VPS54: variants seen among roughly 807,000 people sequenced by gnomAD.
VPS54 encodes the protein VPS54 subunit of GARP complex.
A neutral mutation model predicts 121.5 loss-of-function variants in VPS54; 45 were observed. That is an observed-to-expected ratio of 0.37 (90% CI 0.29 to 0.47). The LOEUF is 0.47. VPS54 is among the 20% of genes least tolerant of loss of function. VPS54 has a pLI of 0.99. For synonymous variants in VPS54, 371 were observed against 385.8 expected (o/e 0.96, Z 0.45); for missense variants, 1,090 against 1,131.4 (o/e 0.96, Z 0.52).
At chr2:63,985,695 ACACAC>A (rs1677019527) in intron 1 of VPS54, among the ~76,000 whole-genome samples, 1 of 150,512 alleles carries the variant, frequency 6.6e-6, no homozygotes. Context: ...ACACACACAC[ACACAC>A]ACACACACAC....
intron 16 of VPS54, among the ~76,000 whole-genome samples, chr2:63,916,232 A>C (rs957444999): frequency 1.3e-5 from 2 of 152,170 alleles, no homozygotes; most frequent in African/African-American, 4.8e-5. Context: ...GAAAACACTT[A>C]AGCTGTGAAG....
intron 5 of VPS54, 104 bp downstream of exon 5, chr2:63,968,853 G>T: frequency 2.2e-6 from 2 of 928,984 alleles, no homozygotes; most frequent in Non-Finnish European, 3.3e-6. Flanking sequence ...AGACAAAGTA[G>T]CCAAAGGGTC....
intron 1 of VPS54, among the ~76,000 whole-genome samples, chr2:63,989,222 T>G (rs1559042875): frequency 6.6e-6 from 1 of 152,158 alleles, no homozygotes; most frequent in Non-Finnish European, 1.5e-5. Context: ...GGGAACCTCA[T>G]TAGTAATTCT....
intron 1 of VPS54, among the ~76,000 whole-genome samples, chr2:63,987,932 G>A (rs572799426): frequency 3.3e-5 from 5 of 151,972 alleles, no homozygotes; most frequent in African/African-American, 4.8e-5. Context: ...GAATTCTTTA[G>A]GTTTATCCAA....
intron 1 of VPS54, among the ~76,000 whole-genome samples, chr2:64,000,964 C>T (rs1423062943): frequency 1.3e-5 from 2 of 152,230 alleles, no homozygotes; most frequent in Non-Finnish European, 2.9e-5. Flanking sequence ...CTCTTCAAGA[C>T]AGCAAGTGCC....
At chr2:63,990,164 C>T (rs974470662) in intron 1 of VPS54, among the ~76,000 whole-genome samples, 11 of 152,246 alleles carry the variant, frequency 7.2e-5, no homozygotes, top group Admixed American at 2.0e-4. Context: ...TTTCCTCTCC[C>T]GCATGGACTT....
chr2:63,905,221 TAAAAA>T (rs1457360303), intron 20 of VPS54, among the ~76,000 whole-genome samples: 1 of 151,518 alleles, frequency 6.6e-6, no homozygotes, highest in African/African-American at 2.4e-5. Context: ...AGCAGGAAAA[TAAAAA>T]GCAGAAAAAG....
intron 1 of VPS54, among the ~76,000 whole-genome samples, chr2:64,000,332 A>C (rs1232276515): frequency 6.6e-6 from 1 of 152,186 alleles, no homozygotes; most frequent in Non-Finnish European, 1.5e-5. Flanking sequence ...TTCTCAACAC[A>C]GCTGTTTTGA....
chr2:63,982,193 A>AT (rs1474130519), intron 2 of VPS54, among the ~76,000 whole-genome samples: 9 of 147,824 alleles, frequency 6.1e-5, no homozygotes, highest in Admixed American at 1.4e-4. Flanking sequence ...CAATTACTCT[A>AT]TCTTTTTTTT....
chr2:63,940,641 T>G (rs1674679174), intron 11 of VPS54, among the ~76,000 whole-genome samples: 1 of 152,052 alleles, frequency 6.6e-6, no homozygotes, highest in African/African-American at 2.4e-5. Flanking sequence ...TAATGATGAG[T>G]GAAAAAAATA....
chr2:63,924,290 T>C (rs895162248), intron 12 of VPS54, among the ~76,000 whole-genome samples: 6 of 152,222 alleles, frequency 3.9e-5, no homozygotes, highest in African/African-American at 1.2e-4. Flanking sequence ...GCTTCCCTTA[T>C]AGCTAGACAT....
chr2:63,969,033 T>C lies in VPS54; in HGVS notation c.458-42A>G, dbSNP rs113443890. On this transcript the variant is annotated intron_variant, in intron 4 of 22. Coordinates refer to ENST00000272322, the MANE Select transcript of VPS54 (RefSeq NM_016516.3). ...GGAAATATTATTTTTAAAACTTGTT[T>C]TCATTTTAACTCCGTAAAATACATT... The C allele has an allele frequency of 2.9e-5, 44 of 1,520,180 alleles. No homozygotes were observed. In the African/African-American group the frequency reaches 5.3e-4, roughly 18 times the overall value. 94.2% of individuals were successfully genotyped at this position (1,520,180 alleles called of 1,614,324 possible).
intron 1 of VPS54, among the ~76,000 whole-genome samples, chr2:63,995,292 T>C (rs1677526734): frequency 6.6e-6 from 1 of 152,250 alleles, no homozygotes; most frequent in South Asian, 2.1e-4. Context: ...AGAATCAAAC[T>C]GTCCAATGCA....
At chr2:63,986,870 CTT>C (rs1238849385) in intron 1 of VPS54, among the ~76,000 whole-genome samples, 5 of 152,180 alleles carry the variant, frequency 3.3e-5, no homozygotes, top group African/African-American at 1.2e-4. Context: ...CATGTTTTCT[CTT>C]GAGTAATATC....
At chr2:63,934,144 T>A in intron 11 of VPS54, 131 bp from the exon 12 acceptor site, 1 of 748,776 alleles carries the variant, frequency 1.3e-6, no homozygotes, top group South Asian at 2.1e-5. Context: ...TATATCAGAA[T>A]TTCTACCGAT....
chr2:63,999,667 G>A lies in VPS54; in HGVS notation c.-20-15648C>T, dbSNP rs183488943. Among the ~76,000 whole-genome samples, 371 of 152,158 alleles carry A rather than the reference G, an allele frequency of 2.4e-3. 1 individual carries two copies. Among genetic ancestry groups the A allele is most frequent in the African/African-American group, 8.1e-3 (335 of 41,500 alleles). ...AGAAGTTCTCTGTTATTATTCCTTC[G>A]AATAAACTTTTTACCCCTATCTCTT... is the stretch of plus-strand genomic sequence containing the variant. On this transcript the variant is annotated intron_variant, in intron 1 of 22. Transcript: ENST00000272322.
chr2:63,921,444 G>T (rs1007395725), intron 12 of VPS54, 109 bp from the exon 13 acceptor site: 2 of 1,230,550 alleles, frequency 1.6e-6, no homozygotes, highest in Non-Finnish European at 2.2e-6. Context: ...CACATTTGAA[G>T]AAAAATTCTA....
At chr2:63,988,595 A>G (rs1033306287) in intron 1 of VPS54, among the ~76,000 whole-genome samples, 2 of 152,216 alleles carry the variant, frequency 1.3e-5, no homozygotes, top group African/African-American at 4.8e-5. Context: ...ATCTCTGAAC[A>G]TAAATCGTGA....
Position 63,944,620 on chromosome 2 carries a change from T to A in VPS54, c.1281A>T (p.Ile427=). 1 of 1,610,566 alleles carries A rather than the reference T, an allele frequency of 6.2e-7. No individual in the cohort carries two copies. The highest frequency in any genetic ancestry group is 1.7e-4 in the Middle Eastern group (1 of 6,042). The change falls in exon 10 of 23, where the codon ATA becomes ATT. Residue 427 remains isoleucine (I), a synonymous_variant. Coordinates refer to ENST00000272322, the MANE Select transcript of VPS54 (RefSeq NM_016516.3). ...CTTACTTCACAACAACATCTGTGTCTATTTCTTCTGTTTGTGAAACTTTAT... is the reference window on the plus strand; with the variant it reads ...CTTACTTCACAACAACATCTGTGTCAATTTCTTCTGTTTGTGAAACTTTAT... ...VINKVSQTEE[I]DTDVVVKLAD...
Sources: allele counts gnomAD v4.1 joint callset (sites outside exome capture counted in the v4.1 genomes callset), GRCh38; gene constraint gnomAD v4.1.1; transcripts MANE v1.5; gene names NCBI Gene and HGNC (gene_info 2026-07-23, HGNC 2026-07-21).